The following TMEM74 variants were observed in gnomAD, a reference collection of about 807,000 sequenced individuals.
TMEM74 encodes transmembrane protein 74.
A neutral mutation model predicts 18.1 loss-of-function variants in TMEM74; 13 were observed. The ratio of observed to expected loss-of-function variants is 0.72; its 90% CI spans 0.47 to 1.14. The LOEUF (loss-of-function observed/expected upper bound fraction) is 1.14, where lower values mean the gene tolerates loss of function less well. TMEM74 is among the 50% of genes most tolerant of loss of function. The probability of loss-of-function intolerance (pLI) is 0.00; values close to 1 mark genes in which losing one functional copy is unlikely to be tolerated. For missense variants in TMEM74, 372 were observed against 375.9 expected (o/e 0.99, Z 0.09); for synonymous variants, 159 against 146.6 (o/e 1.08, Z -0.61).
intron 1 of TMEM74, among the ~76,000 whole-genome samples, chr8:108,668,539 A>C (rs1497630): frequency 0.44 from 67,124 of 151,876 alleles, 15,212 homozygotes; most frequent in East Asian, 0.7. Context: ...TGGCCCTGTG[A>C]GATAAGCCTG....
intron 1 of TMEM74, among the ~76,000 whole-genome samples, chr8:108,713,296 A>G (rs892965398): frequency 1.3e-5 from 2 of 152,222 alleles, no homozygotes; most frequent in African/African-American, 2.4e-5. Flanking sequence ...ATTGAATTAT[A>G]TACAATTATA....
intron 2 of TMEM74, among the ~76,000 whole-genome samples, chr8:108,641,305 A>G (rs1812662839): frequency 6.6e-6 from 1 of 152,170 alleles, no homozygotes; most frequent in African/African-American, 2.4e-5. Flanking sequence ...TAGGAAAAAT[A>G]CAAAGAAAAA....
At chr8:108,761,810 T>G (rs1814048142) in intron 1 of TMEM74, among the ~76,000 whole-genome samples, 1 of 152,148 alleles carries the variant, frequency 6.6e-6, no homozygotes, top group South Asian at 2.1e-4. Context: ...GAAATATATT[T>G]CAAGGGTTTA....
At chr8:108,659,804 C>A (rs1812882093) in intron 1 of TMEM74, among the ~76,000 whole-genome samples, 1 of 152,166 alleles carries the variant, frequency 6.6e-6, no homozygotes, top group Non-Finnish European at 1.5e-5. Context: ...CAGTTGTCAG[C>A]TCCCACAGGT....
intron 1 of TMEM74, among the ~76,000 whole-genome samples, chr8:108,735,834 T>C (rs1813743467): frequency 6.6e-6 from 1 of 152,114 alleles, no homozygotes; most frequent in African/African-American, 2.4e-5. Context: ...CTCATTTTCC[T>C]CCTCCCTGTA....
intron 1 of TMEM74, among the ~76,000 whole-genome samples, chr8:108,663,156 G>C (rs762200272): frequency 6.6e-6 from 1 of 152,072 alleles, no homozygotes; most frequent in Non-Finnish European, 1.5e-5. Context: ...TGAACAGACA[G>C]CCTGCAGAGG....
chr8:108,654,029 A>G (rs1423980051), intron 2 of TMEM74, among the ~76,000 whole-genome samples: 1 of 152,206 alleles, frequency 6.6e-6, no homozygotes, highest in South Asian at 2.1e-4. Flanking sequence ...TAAATAAAAA[A>G]TATTAAAAAG....
intron 1 of TMEM74, among the ~76,000 whole-genome samples, chr8:108,738,933 GT>G (rs1237344478): frequency 6.6e-6 from 1 of 152,034 alleles, no homozygotes; most frequent in East Asian, 1.9e-4. Flanking sequence ...AGGATATAAT[GT>G]TTTCCTTTAA....
At chr8:108,613,317 A>G (rs1213303978) in intron 2 of TMEM74, among the ~76,000 whole-genome samples, 12 of 152,344 alleles carry the variant, frequency 7.9e-5, no homozygotes, top group Admixed American at 7.8e-4. Flanking sequence ...GCTGCCCCCA[A>G]GCCACTCACC....
chr8:108,644,200 A>G (rs1177857500), intron 2 of TMEM74, among the ~76,000 whole-genome samples: 3 of 152,108 alleles, frequency 2.0e-5, no homozygotes. Context: ...TAAAACCGCA[A>G]ACCTACAGCC....
At chr8:108,756,648 A>AAGAG (rs541382753) in intron 1 of TMEM74, among the ~76,000 whole-genome samples, 3 of 44,278 alleles carry the variant, frequency 6.8e-5, no homozygotes, top group Non-Finnish European at 1.3e-4. Context: ...GGAAGAAAGA[A>AAGAG]AGAGAAAGAA....
At chr8:108,698,185 A>G (rs114324686) in intron 1 of TMEM74, among the ~76,000 whole-genome samples, 4,472 of 152,320 alleles carry the variant, frequency 0.029, 123 homozygotes, top group African/African-American at 0.066. Context: ...TAAAATACTA[A>G]GGCTCAGAGA....
chr8:108,649,123 C>T (rs1041062556), intron 2 of TMEM74, among the ~76,000 whole-genome samples: 2 of 151,952 alleles, frequency 1.3e-5, no homozygotes, highest in Non-Finnish European at 2.9e-5. Context: ...TGAACTAGAC[C>T]CTGCAGCAGA....
At chr8:108,689,058 G>T (rs1463365818) in intron 1 of TMEM74, among the ~76,000 whole-genome samples, 1 of 152,162 alleles carries the variant, frequency 6.6e-6, no homozygotes, top group Non-Finnish European at 1.5e-5. Flanking sequence ...TGACAAAGGT[G>T]CCCACTTATC....
At chr8:108,762,913 A>G (rs1321947581) in intron 1 of TMEM74, among the ~76,000 whole-genome samples, 1 of 152,144 alleles carries the variant, frequency 6.6e-6, no homozygotes, top group Non-Finnish European at 1.5e-5. Context: ...AAACTCCTTG[A>G]GGACAGGTAG....
chr8:108,709,179 A>G (rs1813450566), intron 1 of TMEM74, among the ~76,000 whole-genome samples: 1 of 152,192 alleles, frequency 6.6e-6, no homozygotes, highest in Non-Finnish European at 1.5e-5. Flanking sequence ...ACTTCTGTGT[A>G]TATATCCAAA....
chr8:108,640,358 C>T (rs1812651958), intron 2 of TMEM74, among the ~76,000 whole-genome samples: 6 of 151,972 alleles, frequency 3.9e-5, no homozygotes, highest in Admixed American at 3.9e-4. Flanking sequence ...AAGTGACCTG[C>T]CTGCCTCGGC....
At chr8:108,630,883 G>A (rs1283349634) in intron 2 of TMEM74, among the ~76,000 whole-genome samples, 1 of 151,864 alleles carries the variant, frequency 6.6e-6, no homozygotes, top group Non-Finnish European at 1.5e-5. Context: ...CATGTCACAG[G>A]AGTCATGAGT....
At chr8:108,688,556 G>T (rs1459479340) in intron 1 of TMEM74, among the ~76,000 whole-genome samples, 1 of 152,230 alleles carries the variant, frequency 6.6e-6, no homozygotes, top group Non-Finnish European at 1.5e-5. Flanking sequence ...ATGAAGTGGG[G>T]AGAGCAGGAG....
Sources: allele counts gnomAD v4.1 joint callset (sites outside exome capture counted in the v4.1 genomes callset), GRCh38; gene constraint gnomAD v4.1.1; transcripts MANE v1.5; gene names NCBI Gene and HGNC (gene_info 2026-07-23, HGNC 2026-07-21).